Variants in SUGCT observed in about 807,000 individuals in gnomAD.
SUGCT encodes the protein succinyl-CoA:glutarate-CoA transferase.
A neutral mutation model predicts 55.0 loss-of-function variants in SUGCT; 41 were observed. That is an observed-to-expected ratio of 0.74 (90% confidence interval 0.58 to 0.97). The LOEUF is 0.97. Among genes scored for constraint, SUGCT ranks in the 50% least tolerant of loss-of-function variants. The pLI, the probability that SUGCT is intolerant of heterozygous loss-of-function variation, is 0.00. For synonymous variants in SUGCT, 187 were observed against 200.4 expected, an observed-to-expected ratio of 0.93 and a Z score of 0.56; for missense variants, 568 against 547.8, an observed-to-expected ratio of 1.04 and a Z score of -0.37.
At chr7:40,734,980 T>C (rs755837297) in intron 12 of SUGCT, among the ~76,000 whole-genome samples, 5 of 152,158 alleles carry the variant, frequency 3.3e-5, no homozygotes, top group African/African-American at 4.8e-5. Context: ...TTAGGACTAA[T>C]CAAAACTCAC....
chr7:40,181,151 C>T (rs1168934628), intron 2 of SUGCT, among the ~76,000 whole-genome samples, 153 bp downstream of exon 2: 1 of 151,944 alleles, frequency 6.6e-6, no homozygotes, highest in Non-Finnish European at 1.5e-5. Context: ...TATCATCATT[C>T]TATGAGACAA....
At chr7:40,160,245 T>G (rs1584219733) in intron 1 of SUGCT, among the ~76,000 whole-genome samples, 1 of 152,302 alleles carries the variant, frequency 6.6e-6, no homozygotes, top group Admixed American at 6.5e-5. Flanking sequence ...TTCTTTTTTT[T>G]TGAGATGGAG....
At chr7:40,174,988 T>C (rs1784855139) in intron 1 of SUGCT, among the ~76,000 whole-genome samples, 1 of 152,192 alleles carries the variant, frequency 6.6e-6, no homozygotes, top group African/African-American at 2.4e-5. Flanking sequence ...TTCATCTTTT[T>C]TATTTTAAGT....
chr7:40,694,549 A>C (rs1784841151), intron 12 of SUGCT, among the ~76,000 whole-genome samples: 1 of 152,224 alleles, frequency 6.6e-6, no homozygotes, highest in Admixed American at 6.5e-5. Flanking sequence ...CATTTTCCAC[A>C]TACTATCATT....
At chr7:40,921,651 C>T in the SUGCT span, among the ~76,000 whole-genome samples, 21,979 of 152,228 alleles carry the variant, frequency 0.14, 1,805 homozygotes, top group African/African-American at 0.23. Context: ...CAATCAGATG[C>T]CTCGGCTTTT....
At chr7:40,785,052 C>T (rs974600178) in intron 13 of SUGCT, 4 of 152,178 alleles carry the variant, frequency 2.6e-5, no homozygotes, top group African/African-American at 9.7e-5. Flanking sequence ...CCTCTGCCAC[C>T]ATCATTTCCT....
the SUGCT span, among the ~76,000 whole-genome samples, chr7:40,969,136 G>T: frequency 6.6e-6 from 1 of 152,214 alleles, no homozygotes; most frequent in Non-Finnish European, 1.5e-5. Flanking sequence ...AAACTCCACT[G>T]CTTCCGATTA....
At chr7:40,246,251 CTT>C (rs11387100) in intron 7 of SUGCT, among the ~76,000 whole-genome samples, 1 of 147,228 alleles carries the variant, frequency 6.8e-6, no homozygotes, top group Admixed American at 6.8e-5. Context: ...ATAGCATGTT[CTT>C]TTTTTTTTTT....
the SUGCT span, among the ~76,000 whole-genome samples, chr7:41,021,903 A>C: frequency 2.0e-5 from 3 of 152,200 alleles, no homozygotes; most frequent in Admixed American, 6.5e-5. Context: ...CCTAGAATGC[A>C]GCATGGAGTG....
chr7:40,797,016 T>A (rs1790583843), intron 13 of SUGCT, among the ~76,000 whole-genome samples: 1 of 152,138 alleles, frequency 6.6e-6, no homozygotes, highest in Non-Finnish European at 1.5e-5. Flanking sequence ...GAACAAAGTA[T>A]AAAGTGGGTC....
At chr7:40,205,500 G>T (rs1331117556) in intron 6 of SUGCT, among the ~76,000 whole-genome samples, 2 of 151,672 alleles carry the variant, frequency 1.3e-5, no homozygotes, top group Admixed American at 1.3e-4. Context: ...AATTAACCGG[G>T]CATGGTGGTG....
intron 13 of SUGCT, among the ~76,000 whole-genome samples, chr7:40,759,723 T>C (rs1788439986): frequency 6.6e-6 from 1 of 152,180 alleles, no homozygotes; most frequent in African/African-American, 2.4e-5. Flanking sequence ...TGAAGATCAG[T>C]TGACATTTAT....
At chr7:40,665,320 C>T (rs1801563018) in intron 12 of SUGCT, among the ~76,000 whole-genome samples, 1 of 149,892 alleles carries the variant, frequency 6.7e-6, no homozygotes, top group African/African-American at 2.5e-5. Context: ...CGTGCGCCTG[C>T]AATCCCAGCT....
chr7:40,192,856 C>T (rs1367640355), intron 5 of SUGCT, among the ~76,000 whole-genome samples: 2 of 151,166 alleles, frequency 1.3e-5, no homozygotes, highest in African/African-American at 2.4e-5. Context: ...TGGTCCTGAA[C>T]TCCTGACCTC....
At chr7:40,856,445 T>A (rs1794171585) in intron 13 of SUGCT, among the ~76,000 whole-genome samples, 1 of 152,214 alleles carries the variant, frequency 6.6e-6, no homozygotes, top group Non-Finnish European at 1.5e-5. Flanking sequence ...GCATGATAAC[T>A]ATTTGACCTT....
chr7:40,675,062 C>CTT (rs777227064), intron 12 of SUGCT, among the ~76,000 whole-genome samples: 70 of 135,378 alleles, frequency 5.2e-4, no homozygotes, highest in African/African-American at 1.5e-3. Flanking sequence ...TTTCTAAAAT[C>CTT]TTTTTTTTTT....
chr7:40,200,429 G>GT (rs1206364968), intron 6 of SUGCT, among the ~76,000 whole-genome samples: 100 of 151,298 alleles, frequency 6.6e-4, no homozygotes, highest in Middle Eastern at 3.4e-3. Context: ...GTCAGGGAAG[G>GT]TTTTTTTTTG....
intron 12 of SUGCT, among the ~76,000 whole-genome samples, chr7:40,573,211 A>G (rs1192818165): frequency 6.6e-6 from 1 of 152,220 alleles, no homozygotes; most frequent in Non-Finnish European, 1.5e-5. Flanking sequence ...ATGGTCCTGT[A>G]TCATCCAACC....
intron 13 of SUGCT, among the ~76,000 whole-genome samples, chr7:40,780,504 A>G (rs1789681087): frequency 6.6e-6 from 1 of 152,162 alleles, no homozygotes; most frequent in African/African-American, 2.4e-5. Context: ...CTCTGAGAAG[A>G]AGGAAGAGAT....
Sources: gnomAD v4.1 joint callset for allele counts (sites outside exome capture counted in the v4.1 genomes callset) on GRCh38, gnomAD v4.1.1 for gene constraint, MANE v1.5 for transcripts, NCBI Gene and HGNC (gene_info 2026-07-23, HGNC 2026-07-21) for gene names.